The following ARMH3 variants were observed in gnomAD, a reference collection of about 807,000 sequenced individuals.
ARMH3 encodes the protein armadillo-like helical domain-containing protein 3.
In ARMH3, 60 loss-of-function variants were observed where a neutral mutation model predicts 99.1. The ratio of observed to expected loss-of-function variants is 0.61; its 90% CI spans 0.49 to 0.75. The LOEUF (loss-of-function observed/expected upper bound fraction) is 0.75, where lower values mean the gene tolerates loss of function less well. ARMH3 is among the 30% of genes least tolerant of loss of function. The pLI, the probability that ARMH3 is intolerant of heterozygous loss-of-function variation, is 0.00. For synonymous variants in ARMH3, 285 were observed against 292.8 expected (o/e 0.97, Z 0.27); for missense variants, 679 against 843.1 (o/e 0.81, Z 2.41).
At chr10:101,952,554 A>T (rs902193530) in intron 22 of ARMH3, 7 of 152,178 alleles carry the variant, frequency 4.6e-5, no homozygotes, top group Non-Finnish European at 1.0e-4. Context: ...AAAGAAAAGA[A>T]AAGAAAAGAA....
chr10:101,923,092 C>T (rs1843367052), intron 23 of ARMH3, among the ~76,000 whole-genome samples: 1 of 152,136 alleles, frequency 6.6e-6, no homozygotes, highest in Non-Finnish European at 1.5e-5. Context: ...GCCCACTTTG[C>T]TAGAGCATGC....
At chr10:102,044,203 C>T (rs2067490675) in intron 1 of ARMH3, among the ~76,000 whole-genome samples, 1 of 151,488 alleles carries the variant, frequency 6.6e-6, no homozygotes, top group Non-Finnish European at 1.5e-5. Flanking sequence ...ACGCCATTCT[C>T]CTGCCTCAGC....
intron 24 of ARMH3, among the ~76,000 whole-genome samples, chr10:101,855,624 C>A (rs2066720244): frequency 1.3e-5 from 2 of 150,956 alleles, no homozygotes; most frequent in South Asian, 4.2e-4. Context: ...CAGCTCACTG[C>A]ACCCTTGACC....
At chr10:101,931,135 G>A (rs552541233) in intron 23 of ARMH3, among the ~76,000 whole-genome samples, 1 of 152,256 alleles carries the variant, frequency 6.6e-6, no homozygotes, top group East Asian at 1.9e-4. Flanking sequence ...GAAATATGTA[G>A]GAAAAAACGG....
chr10:101,903,621 T>C (rs913080517), intron 23 of ARMH3, among the ~76,000 whole-genome samples: 2 of 152,200 alleles, frequency 1.3e-5, no homozygotes, highest in Non-Finnish European at 2.9e-5. Flanking sequence ...TGGGCACATT[T>C]TCTTACAGGG....
At chr10:102,037,255 C>T (rs2067300103) in intron 2 of ARMH3, among the ~76,000 whole-genome samples, 2 of 146,508 alleles carry the variant, frequency 1.4e-5, no homozygotes, top group South Asian at 4.3e-4. Flanking sequence ...GATCTCAGCT[C>T]ACTGCAACCT....
chr10:101,856,436 A>G (rs2066739535), intron 24 of ARMH3, among the ~76,000 whole-genome samples: 1 of 152,058 alleles, frequency 6.6e-6, no homozygotes, highest in African/African-American at 2.4e-5. Flanking sequence ...GTGCTGAAAG[A>G]TTCAATAAAT....
intron 1 of ARMH3, among the ~76,000 whole-genome samples, chr10:102,041,656 T>C (rs1459984428): frequency 2.8e-5 from 4 of 144,506 alleles, no homozygotes; most frequent in Non-Finnish European, 6.1e-5. Flanking sequence ...ATTTTTAGAC[T>C]TTTTTTTTTT....
intron 24 of ARMH3, among the ~76,000 whole-genome samples, chr10:101,877,394 G>C (rs2067295822): frequency 6.6e-6 from 1 of 152,190 alleles, no homozygotes; most frequent in Non-Finnish European, 1.5e-5. Flanking sequence ...GGGTGCAGTG[G>C]CTAACGCCTG....
intron 20 of ARMH3, among the ~76,000 whole-genome samples, chr10:101,967,566 G>A (rs749713765): frequency 1.2e-4 from 18 of 152,108 alleles, no homozygotes; most frequent in Non-Finnish European, 1.8e-4. Context: ...GTAAAAGCCC[G>A]TCTCTACTAA....
chr10:101,917,643 G>A (rs1288884097), intron 23 of ARMH3, among the ~76,000 whole-genome samples: 1 of 152,162 alleles, frequency 6.6e-6, no homozygotes, highest in African/African-American at 2.4e-5. Context: ...ATATCTGCCT[G>A]ACTCTATTTA....
At chr10:101,887,469 T>G (rs908549351) in intron 24 of ARMH3, among the ~76,000 whole-genome samples, 1 of 151,974 alleles carries the variant, frequency 6.6e-6, no homozygotes, top group African/African-American at 2.4e-5. Context: ...AGTGGCATGA[T>G]CACAGCTTAC....
At chr10:101,941,673 T>G (rs1028129743) in intron 22 of ARMH3, among the ~76,000 whole-genome samples, 1 of 152,182 alleles carries the variant, frequency 6.6e-6, no homozygotes, top group Non-Finnish European at 1.5e-5. Flanking sequence ...CTTTTTTAAT[T>G]TATAAGATTT....
chr10:101,908,050 A>G (rs1842710648), intron 23 of ARMH3, among the ~76,000 whole-genome samples: 1 of 152,110 alleles, frequency 6.6e-6, no homozygotes. Flanking sequence ...TGTAGCTCCT[A>G]AGCATCTGAA....
At chr10:101,872,250 C>CGTGTGT (rs35739666) in intron 24 of ARMH3, among the ~76,000 whole-genome samples, 190 of 146,464 alleles carry the variant, frequency 1.3e-3, no homozygotes, top group South Asian at 2.0e-3. Context: ...TGTGTAACAA[C>CGTGTGT]GTGTGTGTGT....
intron 24 of ARMH3, among the ~76,000 whole-genome samples, chr10:101,862,122 T>C (rs1337779459): frequency 1.4e-5 from 2 of 145,416 alleles, no homozygotes; most frequent in Non-Finnish European, 1.5e-5. Context: ...CTATAAATAA[T>C]AATAAAGAGC....
chr10:102,013,920 C>G (rs2066684800), intron 9 of ARMH3, 48 bp downstream of exon 9: 3 of 1,444,480 alleles, frequency 2.1e-6, no homozygotes, highest in Non-Finnish European at 2.9e-6. Context: ...AAAGTAATAC[C>G]ATTGAATGCA....
chr10:101,932,320 T>C (rs987199465), intron 23 of ARMH3, among the ~76,000 whole-genome samples: 1 of 152,052 alleles, frequency 6.6e-6, no homozygotes, highest in African/African-American at 2.4e-5. Flanking sequence ...TGTGAAGAAA[T>C]TGGAAAGTAA....
chr10:101,990,888 T>C (rs575362080), intron 18 of ARMH3, among the ~76,000 whole-genome samples: 1 of 152,348 alleles, frequency 6.6e-6, no homozygotes, highest in South Asian at 2.1e-4. Context: ...AATTTCATTG[T>C]ATAGATATTT....
Sources: allele counts gnomAD v4.1 joint callset (sites outside exome capture counted in the v4.1 genomes callset), GRCh38; gene constraint gnomAD v4.1.1; transcripts MANE v1.5; gene names NCBI Gene and HGNC (gene_info 2026-07-23, HGNC 2026-07-21).